CYP4F22: variants seen among roughly 807,000 people sequenced by gnomAD.
CYP4F22 encodes ultra-long-chain fatty acid omega-hydroxylase.
A neutral mutation model predicts 60.4 loss-of-function variants in CYP4F22; 37 were observed. That is an observed-to-expected ratio of 0.61 (90% CI 0.47 to 0.81). The LOEUF is 0.81. Among genes scored for constraint, CYP4F22 ranks in the 30% least tolerant of loss-of-function variants. CYP4F22 has a pLI of 0.00. For synonymous variants in CYP4F22, 258 were observed against 280.5 expected (o/e 0.92, Z 0.80); for missense variants, 655 against 715.0 (o/e 0.92, Z 0.96).
In CYP4F22 at chr19:15,537,906, T is replaced by C. The variant is rs1971417146; in HGVS notation, c.584T>C (p.Val195Ala). ...KWRHLAEGSA[V>A]SLDMFEHISL... ...CGGCATCTGGCAGAGGGCTCAGCGG[T>C]CTCCCTTGATATGTTTGAGCATATC... Residue 195 changes from valine (V) to alanine (A), a missense_variant, in exon 7 of 14, where the codon GTC (valine) becomes GCC (alanine). Around this residue, in one of 3 missense-constraint regions of CYP4F22, gnomAD observed 430 missense variants for 457.1 expected, o/e 0.94. Transcript: ENST00000269703. 1.9e-6 allele frequency: 3 copies of C among 1,614,118 alleles called. No homozygotes were observed. Among genetic ancestry groups the C allele is most frequent in the Non-Finnish European group, 2.5e-6 (3 of 1,180,030 alleles).
intron 1 of CYP4F22, among the ~76,000 whole-genome samples, chr19:15,517,174 G>A (rs1352519494): frequency 6.6e-6 from 1 of 151,724 alleles, no homozygotes; most frequent in Non-Finnish European, 1.5e-5. Flanking sequence ...TTTTTTTGTG[G>A]GTGCCAGACA....
chr19:15,516,289 T>C (rs1971154401), intron 1 of CYP4F22, among the ~76,000 whole-genome samples: 1 of 152,354 alleles, frequency 6.6e-6, no homozygotes, highest in East Asian at 1.9e-4. Flanking sequence ...CCTTTCCTTA[T>C]TTGGAAATAT....
intron 10 of CYP4F22, 67 bp from the exon 11 acceptor site, chr19:15,548,040 TG>T: frequency 4.2e-6 from 6 of 1,443,980 alleles, no homozygotes; most frequent in African/African-American, 1.4e-5. Flanking sequence ...TGTGTGTGTG[TG>T]TGTGTGTGTT....
chr19:15,516,536 A>T (rs1383547372), intron 1 of CYP4F22: 1 of 231,114 alleles, frequency 4.3e-6, no homozygotes, highest in Non-Finnish European at 8.4e-6. Flanking sequence ...TGCAAGGAGC[A>T]CCCTTTATGC....
At chr19:15,542,378 A>AT (rs1390979981) in intron 8 of CYP4F22, among the ~76,000 whole-genome samples, 1 of 151,270 alleles carries the variant, frequency 6.6e-6, no homozygotes, top group East Asian at 1.9e-4. Context: ...CTAAAAATAA[A>AT]AAAAAAATAT....
intron 1 of CYP4F22, chr19:15,515,339 T>C: frequency 8.4e-7 from 1 of 1,194,756 alleles, no homozygotes; most frequent in Non-Finnish European, 1.2e-6. Flanking sequence ...CCAGAAAAGG[T>C]TCAGCACCTC....
In CYP4F22 at chr19:15,548,168, C is replaced by T. The variant is rs1263698563; in HGVS notation, c.1197C>T (p.Tyr399=). The T allele has an allele frequency of 1.2e-6, 2 of 1,614,084 alleles. No homozygotes were observed. The highest frequency in any genetic ancestry group is 3.3e-5 in the Admixed American group (2 of 60,004). Residue 399 remains tyrosine (Y), a synonymous_variant, in exon 11 of 14, where the codon TAC becomes TAT. Transcript: ENST00000269703. The stretch of plus-strand genomic sequence containing the variant: ...GCATTAAGGAGAGCCTGCGCCAGTA[C>T]CCACCTGTCACTCTTGTCTCTCGCC... ...TMCIKESLRQ[Y]PPVTLVSRQC...
At chr19:15,510,958 A>ATTTT (rs1568351339) in intron 1 of CYP4F22, among the ~76,000 whole-genome samples, 6 of 114,774 alleles carry the variant, frequency 5.2e-5, no homozygotes, top group African/African-American at 2.4e-4. Context: ...ATATATATAT[A>ATTTT]TATATATATT....
At chr19:15,532,795 G>T (rs945458897) in intron 4 of CYP4F22, among the ~76,000 whole-genome samples, 6 of 152,156 alleles carry the variant, frequency 3.9e-5, no homozygotes, top group Non-Finnish European at 8.8e-5. Context: ...TGCCCCAGCA[G>T]GGGCTGTCAT....
intron 1 of CYP4F22, among the ~76,000 whole-genome samples, chr19:15,509,904 C>CCTTTCTTTCCTTCTTTCTTTCTTT (rs1555725972): frequency 2.3e-5 from 2 of 86,696 alleles, no homozygotes; most frequent in South Asian, 4.5e-4. Flanking sequence ...TTCCTTCCTT[C>CCTTTCTTTCCTTCTTTCTTTCTTT]CTTTCTTTCT....
intron 1 of CYP4F22, among the ~76,000 whole-genome samples, chr19:15,513,778 C>T (rs1410920875): frequency 1.3e-5 from 2 of 152,174 alleles, no homozygotes; most frequent in Non-Finnish European, 2.9e-5. Context: ...GCTGGGATTA[C>T]AGGCGTGAGC....
Position 15,544,287 on chromosome 19 carries a change from TG to T in CYP4F22, c.1136+12del. 6.2e-7 allele frequency: 1 copy of T among 1,612,872 alleles called. No individual in the cohort carries two copies. Among genetic ancestry groups the T allele is most frequent in the African/African-American group, 1.3e-5 (1 of 74,980 alleles). ...GCTGGAGGAGCTGGAGTGGTGAGTGTGGGGTCAGGGGAATGGAGGGGGCAGG... is the reference window on the plus strand; with the variant it reads ...GCTGGAGGAGCTGGAGTGGTGAGTGTGGGTCAGGGGAATGGAGGGGGCAGG... On this transcript the variant is annotated intron_variant, in intron 10 of 13. Coordinates refer to ENST00000269703, the MANE Select transcript of CYP4F22 (RefSeq NM_173483.4).
chr19:15,518,017 T>C lies in CYP4F22; in HGVS notation c.-108-5676T>C, dbSNP rs190376430. Among the ~76,000 whole-genome samples the C allele has an allele frequency of 2.3e-3, 345 of 152,080 alleles. 4 individuals carry two copies. The highest frequency in any genetic ancestry group is 3.5e-4 in the Non-Finnish European group (24 of 67,966). On this transcript the variant is annotated intron_variant, in intron 1 of 13. Transcript: ENST00000269703. The stretch of plus-strand genomic sequence containing the variant: ...TAGAGGCATCAACAGGGGTAAGCCA[T>C]GTAGGTTGTTGTGGTCCATGACAAA...
At chr19:15,537,222 A>G (rs569128307) in intron 4 of CYP4F22, 139 bp from the exon 5 acceptor site, 2 of 1,115,706 alleles carry the variant, frequency 1.8e-6, no homozygotes, top group South Asian at 2.6e-5. Context: ...AACTGCTTGA[A>G]CCTGGGAGGC....
chr19:15,535,221 C>T (rs1045304533), intron 4 of CYP4F22, among the ~76,000 whole-genome samples: 1 of 152,214 alleles, frequency 6.6e-6, no homozygotes, highest in Non-Finnish European at 1.5e-5. Context: ...ACACTTTCTA[C>T]CTTCTTGGTA....
chr19:15,520,765 TG>T (rs199519110), intron 1 of CYP4F22, among the ~76,000 whole-genome samples: 5 of 147,674 alleles, frequency 3.4e-5, no homozygotes, highest in South Asian at 2.2e-4. Context: ...TATTTTGTTT[TG>T]TTTTTTTGTT....
intron 1 of CYP4F22, among the ~76,000 whole-genome samples, chr19:15,519,677 A>G (rs948391189): frequency 5.9e-5 from 9 of 152,046 alleles, no homozygotes; most frequent in Admixed American, 5.9e-4. Context: ...AGAGCATAGG[A>G]GTCACAGGCT....
At chr19:15,549,081 G>A (rs1971565382) in intron 11 of CYP4F22, 57 bp from the exon 12 acceptor site, 7 of 1,600,050 alleles carry the variant, frequency 4.4e-6, no homozygotes, top group Non-Finnish European at 5.1e-6. Flanking sequence ...GTTGGGGGAT[G>A]TTTCTGGAGG....
chr19:15,515,641 G>A (rs1292216388), intron 1 of CYP4F22, among the ~76,000 whole-genome samples: 1 of 150,946 alleles, frequency 6.6e-6, no homozygotes, highest in Non-Finnish European at 1.5e-5. Context: ...CAGGAGAATT[G>A]CTGGAACCCG....
Sources: gnomAD v4.1 joint callset for allele counts (sites outside exome capture counted in the v4.1 genomes callset) on GRCh38, gnomAD v4.1.1 for gene constraint, gnomAD v4.1.1 regional missense constraint, MANE v1.5 for transcripts, NCBI Gene and HGNC (gene_info 2026-07-23, HGNC 2026-07-21) for gene names.